Variants in ARHGAP24 observed in about 807,000 individuals in gnomAD.
ARHGAP24 encodes the protein rho GTPase-activating protein 24.
In ARHGAP24, 50 loss-of-function variants were observed where a neutral mutation model predicts 76.4. That is an observed-to-expected ratio of 0.65 (90% CI 0.52 to 0.83). ARHGAP24 has a LOEUF of 0.83. Ranked by LOEUF, ARHGAP24 falls within the 40% of genes least tolerant of loss-of-function variation. The pLI is 0.00. For missense variants in ARHGAP24, 930 were observed against 914.2 expected (o/e 1.02, Z -0.22); for synonymous variants, 345 against 323.3 (o/e 1.07, Z -0.72).
At chr4:85,484,941 G>C (rs1007502990) in intron 1 of ARHGAP24, among the ~76,000 whole-genome samples, 6 of 151,988 alleles carry the variant, frequency 3.9e-5, no homozygotes, top group Non-Finnish European at 7.4e-5. Context: ...GTTTATGGTT[G>C]GTAGGCTGTA....
chr4:85,708,169 A>G (rs1333695312), intron 2 of ARHGAP24, among the ~76,000 whole-genome samples: 4 of 152,176 alleles, frequency 2.6e-5, no homozygotes, highest in Non-Finnish European at 5.9e-5. Flanking sequence ...TGAGTAATAT[A>G]TGTATATTTG....
intron 3 of ARHGAP24, among the ~76,000 whole-genome samples, chr4:85,725,076 TA>T (rs915303575): frequency 2.0e-5 from 3 of 152,150 alleles, no homozygotes; most frequent in Non-Finnish European, 4.4e-5. Flanking sequence ...TGAAATGTTT[TA>T]AAAAAATAAA....
intron 3 of ARHGAP24, among the ~76,000 whole-genome samples, chr4:85,817,381 A>G (rs1275670506): frequency 6.6e-6 from 1 of 152,158 alleles, no homozygotes; most frequent in Non-Finnish European, 1.5e-5. Flanking sequence ...TTCTTCTAGT[A>G]GTTTTACAGT....
chr4:85,550,848 C>G (rs965265469), intron 1 of ARHGAP24, among the ~76,000 whole-genome samples: 1 of 151,956 alleles, frequency 6.6e-6, no homozygotes, highest in Non-Finnish European at 1.5e-5. Flanking sequence ...TGGCTCTCAG[C>G]TTAAATGTTA....
At chr4:85,477,252 C>T (rs1459172970) in intron 1 of ARHGAP24, among the ~76,000 whole-genome samples, 2 of 152,104 alleles carry the variant, frequency 1.3e-5, no homozygotes, top group African/African-American at 4.8e-5. Context: ...CTGTCCTTGG[C>T]TTTCAACTAT....
chr4:85,642,664 A>G (rs1303606820), intron 2 of ARHGAP24, among the ~76,000 whole-genome samples: 1 of 151,454 alleles, frequency 6.6e-6, no homozygotes, highest in Non-Finnish European at 1.5e-5. Context: ...CATTTCTTAC[A>G]CTTCTACTGC....
At chr4:85,623,456 ATC>A (rs1468845502) in intron 2 of ARHGAP24, among the ~76,000 whole-genome samples, 1 of 152,028 alleles carries the variant, frequency 6.6e-6, no homozygotes, top group Non-Finnish European at 1.5e-5. Context: ...ATTGGTCTAT[ATC>A]TCTGTTTTGG....
At chr4:85,556,337 T>C (rs1359760967) in intron 1 of ARHGAP24, among the ~76,000 whole-genome samples, 2 of 152,084 alleles carry the variant, frequency 1.3e-5, no homozygotes, top group African/African-American at 4.8e-5. Context: ...ATGGGAATTC[T>C]CAGTTGCGGG....
chr4:86,000,451 C>T (rs746825730), intron 9 of ARHGAP24, 28 bp from the exon 10 acceptor site: 1 of 573,596 alleles, frequency 1.7e-6, no homozygotes. Flanking sequence ...GCGTCCCCAC[C>T]CCCCACCCCC....
intron 3 of ARHGAP24, among the ~76,000 whole-genome samples, chr4:85,893,685 G>A (rs1272257890): frequency 2.4e-4 from 33 of 137,804 alleles, no homozygotes; most frequent in Non-Finnish European, 3.6e-4. Context: ...GTTGAATATT[G>A]GCCCCCACTC....
chr4:85,799,720 C>T (rs1355785626), intron 3 of ARHGAP24, among the ~76,000 whole-genome samples: 4 of 152,104 alleles, frequency 2.6e-5, no homozygotes, highest in African/African-American at 9.7e-5. Context: ...GAGAAAGATG[C>T]AGCTTTTAAT....
chr4:85,547,659 C>G (rs926175831), intron 1 of ARHGAP24, among the ~76,000 whole-genome samples: 1 of 152,120 alleles, frequency 6.6e-6, no homozygotes, highest in African/African-American at 2.4e-5. Flanking sequence ...TGGTCTCAAA[C>G]ACCTGAGCTC....
intron 3 of ARHGAP24, among the ~76,000 whole-genome samples, chr4:85,783,933 C>T (rs780979042): frequency 2.6e-5 from 4 of 152,144 alleles, no homozygotes; most frequent in Non-Finnish European, 4.4e-5. Flanking sequence ...CACTGCACAA[C>T]GATGTTCAGG....
intron 5 of ARHGAP24, among the ~76,000 whole-genome samples, chr4:85,970,401 C>A (rs1738901180): frequency 6.6e-6 from 1 of 152,158 alleles, no homozygotes; most frequent in East Asian, 1.9e-4. Flanking sequence ...TTTGTAATCA[C>A]ATACTTGTCT....
intron 1 of ARHGAP24, among the ~76,000 whole-genome samples, chr4:85,505,638 G>T (rs971215796): frequency 1.3e-5 from 2 of 151,818 alleles, no homozygotes; most frequent in Non-Finnish European, 2.9e-5. Flanking sequence ...TTCTTTCAAG[G>T]CTTTTAGCTT....
At chr4:85,859,519 T>C (rs1274527976) in intron 3 of ARHGAP24, among the ~76,000 whole-genome samples, 1 of 152,118 alleles carries the variant, frequency 6.6e-6, no homozygotes, top group Admixed American at 6.6e-5. Flanking sequence ...AAATACACAA[T>C]GAACTTTGCA....
chr4:85,686,926 T>C (rs1337784202), intron 2 of ARHGAP24, among the ~76,000 whole-genome samples: 1 of 152,020 alleles, frequency 6.6e-6, no homozygotes, highest in Non-Finnish European at 1.5e-5. Flanking sequence ...AGAAACTGAG[T>C]AAAGGAGCCC....
intron 5 of ARHGAP24, among the ~76,000 whole-genome samples, chr4:85,962,616 A>G (rs928577043): frequency 1.3e-5 from 2 of 152,028 alleles, no homozygotes; most frequent in Non-Finnish European, 2.9e-5. Context: ...CTGAATTGGC[A>G]ATATCTACCA....
chr4:85,533,149 G>T (rs940819278), intron 1 of ARHGAP24, among the ~76,000 whole-genome samples: 3 of 152,084 alleles, frequency 2.0e-5, no homozygotes, highest in Admixed American at 1.3e-4. Context: ...AAGACAAGTG[G>T]CTACTCATTA....
Sources: allele counts gnomAD v4.1 joint callset (sites outside exome capture counted in the v4.1 genomes callset), GRCh38; gene constraint gnomAD v4.1.1; transcripts MANE v1.5; gene names NCBI Gene and HGNC (gene_info 2026-07-23, HGNC 2026-07-21).